ERC2: variants seen among roughly 807,000 people sequenced by gnomAD.
ERC2 encodes the protein ERC protein 2.
Under a neutral mutation model 114.8 loss-of-function variants are expected in ERC2, and 42 were observed. The ratio of observed to expected loss-of-function variants is 0.37; its 90% CI spans 0.29 to 0.47. ERC2 has a LOEUF of 0.47. Among genes scored for constraint, ERC2 ranks in the 20% least tolerant of loss-of-function variants. The pLI is 0.99. For synonymous variants in ERC2, 454 were observed against 425.5 expected (o/e 1.07, Z -0.82); for missense variants, 939 against 1,150.7 (o/e 0.82, Z 2.66).
chr3:55,615,966 AG>A (rs1465391114), intron 17 of ERC2, among the ~76,000 whole-genome samples: 39 of 152,272 alleles, frequency 2.6e-4, no homozygotes, highest in African/African-American at 9.4e-4. Flanking sequence ...TTTGTTTCTG[AG>A]TCTTCCAACG....
intron 1 of ERC2, among the ~76,000 whole-genome samples, chr3:56,450,071 T>G (rs756915066): frequency 6.6e-6 from 1 of 152,220 alleles, no homozygotes; most frequent in Non-Finnish European, 1.5e-5. Flanking sequence ...TAATAAACCA[T>G]TTCATCTGTG....
chr3:55,604,908 C>T (rs969850192), intron 17 of ERC2, among the ~76,000 whole-genome samples: 12 of 152,106 alleles, frequency 7.9e-5, no homozygotes, highest in Non-Finnish European at 1.5e-4. Flanking sequence ...CATCCAGAGG[C>T]CCATTTAAAC....
At chr3:55,931,830 C>G (rs1354912238) in intron 13 of ERC2, among the ~76,000 whole-genome samples, 1 of 151,972 alleles carries the variant, frequency 6.6e-6, no homozygotes, top group African/African-American at 2.4e-5. Flanking sequence ...CTAAAAAGTT[C>G]TAGGTCCTTA....
rs1219540167 is a variant in ERC2 at position 55,508,839 on chromosome 3, C to G, written c.*2477G>C. 1 of 152,428 alleles carries G rather than the reference C, an allele frequency of 6.6e-6. No individual in the cohort carries two copies. Among genetic ancestry groups the G allele is most frequent in the Non-Finnish European group, 1.5e-5 (1 of 68,006 alleles). 9.4% of individuals were successfully genotyped at this position (152,428 alleles called of 1,614,324 possible). A position where few individuals can be genotyped will look rare whatever the true frequency, so the allele number is the denominator to read the frequency against. ...AATCAAATGGGGTATAAAGCACAAG[C>G]CTGCTTTTGCACAAAGTAAGACCAA... On this transcript the variant is annotated 3_prime_UTR_variant, in exon 18 of 18. Transcript: ENST00000288221.
chr3:55,867,248 T>G (rs2062364596), intron 14 of ERC2, among the ~76,000 whole-genome samples: 1 of 152,106 alleles, frequency 6.6e-6, no homozygotes, highest in Admixed American at 6.6e-5. Context: ...GTAAGCTGCC[T>G]GAAAACCTCC....
At chr3:56,269,338 C>G (rs557267315) in intron 3 of ERC2, among the ~76,000 whole-genome samples, 21 of 152,350 alleles carry the variant, frequency 1.4e-4, no homozygotes, top group African/African-American at 4.8e-4. Context: ...CCTAAACTCA[C>G]TGGCACCACA....
chr3:56,327,301 C>T (rs2057406793), intron 2 of ERC2, among the ~76,000 whole-genome samples: 3 of 152,176 alleles, frequency 2.0e-5, no homozygotes, highest in Admixed American at 1.3e-4. Context: ...AGAATTAATG[C>T]AGAAGGAACT....
intron 2 of ERC2, among the ~76,000 whole-genome samples, chr3:56,399,843 A>G (rs1430989674): frequency 2.6e-5 from 4 of 152,250 alleles, no homozygotes; most frequent in Admixed American, 2.6e-4. Context: ...GAACAGAGTA[A>G]CAATTTAAAC....
intron 2 of ERC2, 85 bp downstream of exon 2, chr3:56,434,266 G>T: frequency 1.5e-6 from 2 of 1,303,500 alleles, no homozygotes; most frequent in Non-Finnish European, 2.1e-6. Context: ...ACTTTCTTCT[G>T]CACAGGTCGT....
chr3:56,195,932 A>T (rs2048074209), intron 3 of ERC2, among the ~76,000 whole-genome samples: 2 of 152,108 alleles, frequency 1.3e-5, no homozygotes. Context: ...TGTAAACCTG[A>T]CCATCAGGAC....
chr3:56,023,832 G>A (rs979889801), intron 7 of ERC2, among the ~76,000 whole-genome samples: 14 of 72,170 alleles, frequency 1.9e-4, no homozygotes, highest in Non-Finnish European at 3.9e-4. Flanking sequence ...AAAGTGGCTT[G>A]TGTAAAAGGA....
intron 10 of ERC2, among the ~76,000 whole-genome samples, chr3:56,001,215 G>A (rs2072029660): frequency 6.6e-6 from 1 of 152,054 alleles, no homozygotes; most frequent in Non-Finnish European, 1.5e-5. Context: ...AAGATGTCTA[G>A]GTGGAGAACA....
chr3:55,608,080 G>C (rs1025698245), intron 17 of ERC2, among the ~76,000 whole-genome samples: 2 of 152,152 alleles, frequency 1.3e-5, no homozygotes, highest in South Asian at 4.2e-4. Flanking sequence ...TTTGCATTAC[G>C]AAAGAGACCA....
At chr3:55,756,860 GA>G (rs2067094200) in intron 14 of ERC2, among the ~76,000 whole-genome samples, 1 of 151,964 alleles carries the variant, frequency 6.6e-6, no homozygotes, top group Non-Finnish European at 1.5e-5. Flanking sequence ...CTCCCTCAAA[GA>G]GGGAGAAAGG....
intron 6 of ERC2, among the ~76,000 whole-genome samples, chr3:56,111,364 A>T (rs2078956238): frequency 7.2e-6 from 1 of 138,752 alleles, no homozygotes; most frequent in African/African-American, 2.7e-5. Context: ...TCTCTCCCTC[A>T]ATCTCTCCCT....
chr3:56,061,102 CT>C (rs1024570584), intron 7 of ERC2, among the ~76,000 whole-genome samples: 12 of 152,256 alleles, frequency 7.9e-5, no homozygotes, highest in African/African-American at 2.9e-4. Context: ...TTCCTCAAGC[CT>C]TTATTCTCAG....
At chr3:56,254,055 A>G (rs540764578) in intron 3 of ERC2, among the ~76,000 whole-genome samples, 1 of 152,380 alleles carries the variant, frequency 6.6e-6, no homozygotes, top group East Asian at 1.9e-4. Flanking sequence ...AAACCAGACT[A>G]AAGTATTGTC....
intron 1 of ERC2, among the ~76,000 whole-genome samples, chr3:56,454,728 G>T (rs1271261701): frequency 2.6e-5 from 4 of 152,040 alleles, no homozygotes; most frequent in Non-Finnish European, 2.9e-5. Flanking sequence ...GCATGCACCT[G>T]TAGTCCTAGC....
intron 13 of ERC2, among the ~76,000 whole-genome samples, chr3:55,940,826 G>C (rs571126859): frequency 6.6e-5 from 10 of 152,198 alleles, no homozygotes; most frequent in African/African-American, 1.9e-4. Flanking sequence ...TAAAATCCAT[G>C]CAAAACCCCG....
Sources: allele counts gnomAD v4.1 joint callset (sites outside exome capture counted in the v4.1 genomes callset), GRCh38; gene constraint gnomAD v4.1.1; transcripts MANE v1.5; gene names NCBI Gene and HGNC (gene_info 2026-07-23, HGNC 2026-07-21).